The following CWC27 variants were observed in gnomAD, a reference collection of about 807,000 sequenced individuals.
CWC27 encodes the protein spliceosome-associated protein CWC27 homolog.
CWC27 carries 47 observed loss-of-function variants against 63.6 expected under a neutral mutation model. The ratio of observed to expected loss-of-function variants is 0.74; its 90% confidence interval spans 0.58 to 0.94. The LOEUF (loss-of-function observed/expected upper bound fraction) is 0.94, where lower values mean the gene tolerates loss of function less well. CWC27 is among the 40% of genes least tolerant of loss of function. The pLI, the probability that CWC27 is intolerant of heterozygous loss-of-function variation, is 0.00. For synonymous variants in CWC27, 175 were observed against 179.8 expected (o/e 0.97, Z 0.22); for missense variants, 495 against 554.3 (o/e 0.89, Z 1.07).
chr5:64,816,470 C>T (rs1745033931), intron 10 of CWC27, among the ~76,000 whole-genome samples: 1 of 152,076 alleles, frequency 6.6e-6, no homozygotes, highest in Admixed American at 6.6e-5. Context: ...GTCAGACATT[C>T]AGGCCGTCTT....
chr5:64,970,958 A>AGTGTGTGTGTGTGTGT (rs57958257), intron 11 of CWC27, among the ~76,000 whole-genome samples: 8 of 143,410 alleles, frequency 5.6e-5, no homozygotes, highest in African/African-American at 1.8e-4. Context: ...AGAGAGAGGG[A>AGTGTGTGTGTGTGTGT]GTGTGTGTGT....
intron 10 of CWC27, among the ~76,000 whole-genome samples, chr5:64,820,496 A>G (rs1237468801): frequency 6.6e-6 from 1 of 152,184 alleles, no homozygotes; most frequent in African/African-American, 2.4e-5. Flanking sequence ...CCACTTAAGT[A>G]TATGTGAACC....
At chr5:64,976,542 T>C (rs1749231323) in intron 12 of CWC27, among the ~76,000 whole-genome samples, 2 of 152,030 alleles carry the variant, frequency 1.3e-5, no homozygotes, top group Non-Finnish European at 2.9e-5. Flanking sequence ...TTTTATTTAT[T>C]TATTTATTTA....
chr5:64,916,524 C>T (rs946588074), intron 11 of CWC27, among the ~76,000 whole-genome samples: 1 of 152,004 alleles, frequency 6.6e-6, no homozygotes, highest in African/African-American at 2.4e-5. Context: ...TAGGAGGGGC[C>T]GAAAGACCAG....
chr5:64,941,929 T>G (rs1465208899), intron 11 of CWC27, among the ~76,000 whole-genome samples: 1 of 151,894 alleles, frequency 6.6e-6, no homozygotes, highest in Non-Finnish European at 1.5e-5. Context: ...ATAAATTTAT[T>G]ATATTAAATA....
intron 13 of CWC27, among the ~76,000 whole-genome samples, chr5:64,991,921 T>A (rs1749543858): frequency 6.6e-6 from 1 of 152,150 alleles, no homozygotes; most frequent in South Asian, 2.1e-4. Flanking sequence ...TTGGGCCAAT[T>A]ATCAGTTAGT....
intron 10 of CWC27, among the ~76,000 whole-genome samples, chr5:64,813,995 A>G (rs1157666409): frequency 1.3e-5 from 2 of 152,032 alleles, no homozygotes; most frequent in African/African-American, 2.4e-5. Context: ...CATGGGTCAC[A>G]TGCAGTCCAG....
chr5:65,001,265 AAG>A (rs1185463366), intron 13 of CWC27, among the ~76,000 whole-genome samples: 6 of 152,128 alleles, frequency 3.9e-5, no homozygotes, highest in African/African-American at 1.2e-4. Context: ...GTCATCTGCA[AAG>A]AGAGACAATT....
chr5:64,922,171 C>A (rs1272379024), intron 11 of CWC27, among the ~76,000 whole-genome samples: 2 of 152,166 alleles, frequency 1.3e-5, no homozygotes, highest in Non-Finnish European at 2.9e-5. Context: ...ATTTGAATGT[C>A]AATCTCTCTA....
intron 10 of CWC27, among the ~76,000 whole-genome samples, chr5:64,830,108 G>T (rs1745477497): frequency 6.9e-6 from 1 of 145,794 alleles, no homozygotes; most frequent in Non-Finnish European, 1.5e-5. Flanking sequence ...CATGTGCCAT[G>T]TTGGTGTGCT....
chr5:64,884,847 G>C (rs1028544826), intron 10 of CWC27, among the ~76,000 whole-genome samples: 3 of 152,172 alleles, frequency 2.0e-5, no homozygotes, highest in Non-Finnish European at 2.9e-5. Context: ...TTTAACACAT[G>C]ATTATATTAA....
chr5:64,936,090 T>C (rs1313450913), intron 11 of CWC27, among the ~76,000 whole-genome samples: 1 of 152,200 alleles, frequency 6.6e-6, no homozygotes. Context: ...ATACCCTTTA[T>C]TTATTTCTCT....
At chr5:64,890,902 T>G (rs1690115550) in intron 11 of CWC27, among the ~76,000 whole-genome samples, 1 of 152,210 alleles carries the variant, frequency 6.6e-6, no homozygotes, top group Non-Finnish European at 1.5e-5. Context: ...TGGACCTTTC[T>G]AGCCCAGTAT....
intron 11 of CWC27, among the ~76,000 whole-genome samples, chr5:64,956,848 C>G (rs745501184): frequency 1.3e-5 from 2 of 152,046 alleles, no homozygotes; most frequent in Non-Finnish European, 2.9e-5. Flanking sequence ...CCTCTGTTTC[C>G]TCATGCATGA....
chr5:64,804,382 C>A lies in CWC27; in HGVS notation c.934C>A (p.Arg312Ser). Residue 312 changes from arginine (R) to serine (S), a missense_variant, in exon 10 of 14, where the codon CGC (arginine) becomes AGC (serine). Around this residue, in one of 3 missense-constraint regions of CWC27, gnomAD observed 463 missense variants for 498.1 expected, o/e 0.93. Transcript: ENST00000381070. ...AGAAGTGGAGAAGAAATCAGTCAGC[C>A]GCAGGTGAGTCAGTTACTGTGCTAG... ...EGEVEKKSVSRSEELRKEARQ... is the reference protein window; with the variant it reads ...EGEVEKKSVSSSEELRKEARQ... 6.2e-7 allele frequency: 1 copy of A among 1,609,610 alleles called. No individual in the cohort carries two copies. Among genetic ancestry groups the A allele is most frequent in the East Asian group, 2.2e-5 (1 of 44,688 alleles).
intron 11 of CWC27, among the ~76,000 whole-genome samples, chr5:64,888,478 T>C (rs1184742322): frequency 6.8e-6 from 1 of 147,508 alleles, no homozygotes; most frequent in Non-Finnish European, 1.5e-5. Context: ...CACTATATAA[T>C]TTACATTTAA....
At chr5:64,811,213 T>C (rs894442498) in intron 10 of CWC27, among the ~76,000 whole-genome samples, 3 of 152,070 alleles carry the variant, frequency 2.0e-5, no homozygotes, top group Non-Finnish European at 4.4e-5. Context: ...TAAAGAATCC[T>C]TTTTTGCCTG....
intron 11 of CWC27, among the ~76,000 whole-genome samples, chr5:64,913,672 C>G (rs570776728): frequency 1.3e-5 from 2 of 152,098 alleles, no homozygotes; most frequent in East Asian, 3.9e-4. Flanking sequence ...ACACAGAACA[C>G]TTTTAAGCCT....
At chr5:65,011,161 C>T (rs1749946918) in intron 13 of CWC27, among the ~76,000 whole-genome samples, 1 of 152,096 alleles carries the variant, frequency 6.6e-6, no homozygotes, top group Non-Finnish European at 1.5e-5. Context: ...CAGTTCAGGG[C>T]TATAGTGTGC....
Sources: allele counts gnomAD v4.1 joint callset (sites outside exome capture counted in the v4.1 genomes callset), GRCh38; gene constraint gnomAD v4.1.1; regional missense constraint gnomAD v4.1.1; transcripts MANE v1.5; gene names NCBI Gene and HGNC (gene_info 2026-07-23, HGNC 2026-07-21).